The following KCNK1 variants were observed in gnomAD, a reference collection of about 807,000 sequenced individuals.
KCNK1 encodes potassium two pore domain channel subfamily K member 1, also known as potassium channel subfamily K member 1.
Under a neutral mutation model 22.2 loss-of-function variants are expected in KCNK1, and 10 were observed. The ratio of observed to expected loss-of-function variants is 0.45; its 90% CI spans 0.28 to 0.76. The LOEUF is 0.76. Ranked by LOEUF, KCNK1 falls within the 30% of genes least tolerant of loss-of-function variation. The probability of loss-of-function intolerance (pLI) is 0.14; values close to 1 mark genes in which losing one functional copy is unlikely to be tolerated. For synonymous variants in KCNK1, 200 were observed against 186.4 expected, an observed-to-expected ratio of 1.07 and a Z score of -0.60; for missense variants, 378 against 421.0, an observed-to-expected ratio of 0.90 and a Z score of 0.89.
At chr1:233,648,120 G>A (rs1325045878) in intron 1 of KCNK1, among the ~76,000 whole-genome samples, 1 of 152,140 alleles carries the variant, frequency 6.6e-6, no homozygotes, top group Non-Finnish European at 1.5e-5. Context: ...TTAATGTTTT[G>A]TAAGTGCCAT....
chr1:233,657,994 A>C (rs1247851757), intron 1 of KCNK1, among the ~76,000 whole-genome samples: 1 of 152,200 alleles, frequency 6.6e-6, no homozygotes. Context: ...AGTTTTAGGA[A>C]GCAAGGCCTG....
intron 1 of KCNK1, among the ~76,000 whole-genome samples, chr1:233,653,962 T>C (rs1260952494): frequency 6.6e-6 from 1 of 152,060 alleles, no homozygotes; most frequent in Non-Finnish European, 1.5e-5. Context: ...TGGAAAGAGT[T>C]CGGAGGTGCA....
rs1301731811 is a variant in KCNK1 at position 233,614,217 on chromosome 1, C to T, written c.46C>T (p.Arg16Trp). The change falls in exon 1 of 3, where the codon CGG becomes TGG. Residue 16 changes from arginine (R) to tryptophan (W), a missense_variant. Arg to Trp is a moderately radical substitution (Grantham distance 101, BLOSUM62 -3). Coordinates refer to ENST00000366621, the MANE Select transcript of KCNK1 (RefSeq NM_002245.4). ...CAGCTCGTGCGTGCGCCTGGTGGAG[C>T]GGCACCGCTCGGCCTGGTGCTTCGG... ...AGSSCVRLVE[R>W]HRSAWCFGFL... is the part of the protein sequence containing the mutation. 6 of 1,610,614 alleles carry T rather than the reference C, an allele frequency of 3.7e-6. No individual in the cohort carries two copies. Among genetic ancestry groups the T allele is most frequent in the South Asian group, 1.1e-5 (1 of 90,888 alleles).
At chr1:233,647,773 C>T (rs1246232949) in intron 1 of KCNK1, among the ~76,000 whole-genome samples, 1 of 152,158 alleles carries the variant, frequency 6.6e-6, no homozygotes, top group African/African-American at 2.4e-5. Flanking sequence ...TTCTGGAGCA[C>T]TGCACACCAG....
intron 2 of KCNK1, among the ~76,000 whole-genome samples, chr1:233,669,307 C>G (rs1222589353): frequency 5.3e-5 from 8 of 152,140 alleles, no homozygotes; most frequent in Admixed American, 5.2e-4. Flanking sequence ...TTTGCCCAAC[C>G]ACTTAACTTC....
intron 1 of KCNK1, among the ~76,000 whole-genome samples, chr1:233,633,575 C>G (rs1197165404): frequency 6.6e-6 from 1 of 152,124 alleles, no homozygotes; most frequent in East Asian, 1.9e-4. Context: ...AAAATAAAGT[C>G]ATGGTGCTAA....
intron 1 of KCNK1, among the ~76,000 whole-genome samples, chr1:233,622,794 G>A (rs181585129): frequency 6.6e-6 from 1 of 152,302 alleles, no homozygotes; most frequent in Non-Finnish European, 1.5e-5. Context: ...TTGGAAAACA[G>A]CTGATTGTTA....
chr1:233,623,981 T>A (rs1036970336), intron 1 of KCNK1, among the ~76,000 whole-genome samples: 5 of 152,216 alleles, frequency 3.3e-5, no homozygotes, highest in Non-Finnish European at 7.3e-5. Flanking sequence ...TCTAAGGGAT[T>A]TAGAGAGAGT....
intron 1 of KCNK1, among the ~76,000 whole-genome samples, chr1:233,632,362 G>C (rs942796337): frequency 3.3e-4 from 51 of 152,280 alleles, no homozygotes; most frequent in African/African-American, 9.4e-4. Context: ...CAAATTACTG[G>C]ATAGAGCAAG....
intron 1 of KCNK1, among the ~76,000 whole-genome samples, chr1:233,633,536 C>G (rs557086439): frequency 1.3e-5 from 2 of 152,160 alleles, no homozygotes; most frequent in South Asian, 4.1e-4. Flanking sequence ...ATTTGAAGTC[C>G]TATTATCAAA....
chr1:233,643,351 C>T (rs1571897383), intron 1 of KCNK1, among the ~76,000 whole-genome samples: 1 of 152,084 alleles, frequency 6.6e-6, no homozygotes, highest in Non-Finnish European at 1.5e-5. Context: ...TGGGCATGTT[C>T]GGGGTGAGCA....
intron 1 of KCNK1, among the ~76,000 whole-genome samples, chr1:233,614,737 G>T (rs904559320): frequency 6.6e-6 from 1 of 152,060 alleles, no homozygotes; most frequent in African/African-American, 2.4e-5. Flanking sequence ...GGTGACTCGG[G>T]AGGGCAAGCC....
chr1:233,666,582 G>C lies in KCNK1; in HGVS notation c.356-13G>C, dbSNP rs1166686835. 1 of 1,583,754 alleles carries C rather than the reference G, an allele frequency of 6.3e-7. No individual in the cohort carries two copies. The highest frequency in any genetic ancestry group is 8.6e-7 in the Non-Finnish European group (1 of 1,163,426). On this transcript the variant is annotated splice_polypyrimidine_tract_variant and intron_variant, in intron 1 of 2. Transcript: ENST00000366621. ...TCTTCCTCTTCGCCTCAGTGACCTT[G>C]TTCTCCTTGCAGGTTATGGCCACAC...
chr1:233,668,078 A>T (rs1345185646), intron 2 of KCNK1, among the ~76,000 whole-genome samples: 1 of 152,258 alleles, frequency 6.6e-6, no homozygotes, highest in Non-Finnish European at 1.5e-5. Context: ...AGAAAACTTA[A>T]CCATCCATTT....
chr1:233,626,373 G>A (rs1366023684), intron 1 of KCNK1, among the ~76,000 whole-genome samples: 1 of 152,126 alleles, frequency 6.6e-6, no homozygotes, highest in Non-Finnish European at 1.5e-5. Context: ...TCCAGAACCT[G>A]CTGAACTTGA....
chr1:233,650,204 G>A (rs1316971226), intron 1 of KCNK1, among the ~76,000 whole-genome samples: 9 of 152,164 alleles, frequency 5.9e-5, no homozygotes, highest in Non-Finnish European at 1.3e-4. Flanking sequence ...TAGTGGGTCA[G>A]TTTGCAATGA....
rs186825245 is a variant in KCNK1, at chr1:233,627,552, G to A, written c.355+13026G>A. ...TACCTGCCACCCAGTGCTCTGACAC[G>A]AGCCATCTCAGAAAAACAGTCTGTC... On this transcript the variant is annotated intron_variant, in intron 1 of 2. Coordinates refer to ENST00000366621, the MANE Select transcript of KCNK1 (RefSeq NM_002245.4). Among the ~76,000 whole-genome samples, 574 of 145,920 alleles carry A rather than the reference G, an allele frequency of 3.9e-3. 1 individual carries two copies. Among genetic ancestry groups the A allele is most frequent in the Non-Finnish European group, 5.2e-3 (348 of 66,326 alleles).
At position 233,672,412 on chromosome 1, in the gene KCNK1, A is replaced by G. The variant is rs531418529; in HGVS notation, c.*882A>G. ...ATTTGCAGCCACCTAGCACTAAAGC[A>G]TAGAACTTAAACACGAATCCCTAAA... On this transcript the variant is annotated 3_prime_UTR_variant, in exon 3 of 3. Coordinates refer to ENST00000366621, the MANE Select transcript of KCNK1 (RefSeq NM_002245.4). 3.3e-5 allele frequency: 5 copies of G among 152,020 alleles called. No individual in the cohort carries two copies. Among genetic ancestry groups the G allele is most frequent in the African/African-American group, 1.2e-4 (5 of 41,504 alleles). 9.4% of individuals were successfully genotyped at this position (152,020 alleles called of 1,614,324 possible).
chr1:233,623,134 C>T (rs1466542399), intron 1 of KCNK1, among the ~76,000 whole-genome samples: 1 of 151,838 alleles, frequency 6.6e-6, no homozygotes, highest in Non-Finnish European at 1.5e-5. Context: ...TAATCTCAAA[C>T]AGTTTTTCTA....
Sources: allele counts gnomAD v4.1 joint callset (sites outside exome capture counted in the v4.1 genomes callset), GRCh38; gene constraint gnomAD v4.1.1; transcripts MANE v1.5; gene names NCBI Gene and HGNC (gene_info 2026-07-23, HGNC 2026-07-21).